The following NRG1 variants were observed in gnomAD, a reference collection of about 807,000 sequenced individuals.
NRG1 encodes the protein neuregulin 1, also known as pro-neuregulin-1, membrane-bound isoform.
A neutral mutation model predicts 63.8 loss-of-function variants in NRG1; 18 were observed. The ratio of observed to expected loss-of-function variants is 0.28; its 90% CI spans 0.19 to 0.42. The LOEUF (loss-of-function observed/expected upper bound fraction) is 0.42. NRG1 is among the 10% of genes least tolerant of loss of function. The pLI is 1.00. For synonymous variants in NRG1, 302 were observed against 301.3 expected, an observed-to-expected ratio of 1.00 and a Z score of -0.02; for missense variants, 762 against 814.7, an observed-to-expected ratio of 0.94 and a Z score of 0.79.
intron 1 of NRG1, among the ~76,000 whole-genome samples, chr8:31,826,985 A>G (rs540505990): frequency 1.2e-4 from 18 of 152,296 alleles, no homozygotes; most frequent in Admixed American, 6.5e-4. Context: ...AAGATTGTTC[A>G]TTGGGCTTTG....
chr8:31,667,095 G>A (rs981753371), intron 1 of NRG1, among the ~76,000 whole-genome samples: 2 of 152,136 alleles, frequency 1.3e-5, no homozygotes, highest in African/African-American at 2.4e-5. Flanking sequence ...AGACAAAGAC[G>A]TTCGTCTCAA....
intron 1 of NRG1, among the ~76,000 whole-genome samples, chr8:32,418,789 C>G (rs1440434642): frequency 6.6e-6 from 1 of 152,048 alleles, no homozygotes; most frequent in African/African-American, 2.4e-5. Flanking sequence ...TAAGATTGTT[C>G]TTAAAACCAG....
intron 1 of NRG1, among the ~76,000 whole-genome samples, chr8:31,653,638 A>G (rs1416783177): frequency 6.6e-6 from 1 of 152,182 alleles, no homozygotes; most frequent in Non-Finnish European, 1.5e-5. Flanking sequence ...CTGTGTGCAG[A>G]GCTGATGATG....
At chr8:32,577,099 CGCTTAGGAT>C (rs1166825807) in intron 1 of NRG1, among the ~76,000 whole-genome samples, 1 of 151,896 alleles carries the variant, frequency 6.6e-6, no homozygotes, top group Non-Finnish European at 1.5e-5. Flanking sequence ...TGCATTAATT[CGCTTAGGAT>C]AATGGCCTCC....
At chr8:32,721,785 C>T in intron 5 of NRG1, 1 of 1,231,146 alleles carries the variant, frequency 8.1e-7, no homozygotes, top group Non-Finnish European at 1.0e-6. Context: ...CTAATGACTC[C>T]ACCTATCATT....
At chr8:32,138,491 A>G (rs973046128) in intron 1 of NRG1, among the ~76,000 whole-genome samples, 1 of 151,966 alleles carries the variant, frequency 6.6e-6, no homozygotes, top group African/African-American at 2.4e-5. Flanking sequence ...ACCAGGACAC[A>G]TTGGTATGCA....
intron 9 of NRG1, among the ~76,000 whole-genome samples, chr8:32,758,491 T>C (rs113294263): frequency 0.055 from 7,590 of 138,664 alleles, 667 homozygotes; most frequent in African/African-American, 0.19. Flanking sequence ...GCAGGAGAAT[T>C]GCTTGAACCG....
At chr8:32,288,104 A>G (rs1002464728) in intron 1 of NRG1, among the ~76,000 whole-genome samples, 1 of 152,210 alleles carries the variant, frequency 6.6e-6, no homozygotes. Context: ...GGTAGAGCTG[A>G]ATGGTTGATT....
At chr8:31,667,956 C>A (rs1380733326) in intron 1 of NRG1, among the ~76,000 whole-genome samples, 1 of 151,872 alleles carries the variant, frequency 6.6e-6, no homozygotes, top group Non-Finnish European at 1.5e-5. Context: ...GATATTGGCT[C>A]AGCAATAAAG....
intron 1 of NRG1, among the ~76,000 whole-genome samples, chr8:32,050,609 A>G (rs1283713457): frequency 6.6e-6 from 1 of 152,074 alleles, no homozygotes; most frequent in East Asian, 1.9e-4. Context: ...AACCATACAT[A>G]GTGTTCTCTC....
At chr8:32,014,368 A>G (rs1815187130) in intron 1 of NRG1, among the ~76,000 whole-genome samples, 2 of 152,120 alleles carry the variant, frequency 1.3e-5, no homozygotes, top group Admixed American at 1.3e-4. Flanking sequence ...TTATTGGTAT[A>G]TAGGAATGCT....
At chr8:32,257,348 G>T (rs1350061866) in intron 1 of NRG1, among the ~76,000 whole-genome samples, 1 of 152,116 alleles carries the variant, frequency 6.6e-6, no homozygotes, top group African/African-American at 2.4e-5. Flanking sequence ...AACTCCTGCA[G>T]CTAGCTTGGT....
chr8:32,014,954 G>A (rs146339689), intron 1 of NRG1, among the ~76,000 whole-genome samples: 1,729 of 152,130 alleles, frequency 0.011, 32 homozygotes, highest in South Asian at 0.086. Flanking sequence ...ACCAAAGATT[G>A]CCAGCAAATC....
chr8:32,648,641 A>T (rs925309054), intron 5 of NRG1, among the ~76,000 whole-genome samples: 1 of 152,238 alleles, frequency 6.6e-6, no homozygotes, highest in African/African-American at 2.4e-5. Context: ...GAAAAACTTC[A>T]GCATCTGCAA....
At chr8:31,794,834 A>G (rs190308697) in intron 1 of NRG1, among the ~76,000 whole-genome samples, 67 of 151,964 alleles carry the variant, frequency 4.4e-4, no homozygotes, top group African/African-American at 1.5e-3. Context: ...ATGGAGTCCC[A>G]CTCTATCACC....
chr8:31,647,070 T>C (rs896165392), intron 1 of NRG1, among the ~76,000 whole-genome samples: 5 of 152,200 alleles, frequency 3.3e-5, no homozygotes, highest in Admixed American at 2.6e-4. Context: ...CTTACCACTG[T>C]TTTCAGCAGA....
At chr8:32,741,732 C>T (rs969833921) in intron 6 of NRG1, among the ~76,000 whole-genome samples, 6 of 152,144 alleles carry the variant, frequency 3.9e-5, no homozygotes, top group African/African-American at 9.7e-5. Context: ...GACAGCTCTC[C>T]GGGCCATGCT....
In NRG1 at chr8:32,243,440, A is replaced by G. The variant is rs573711180; in HGVS notation, c.38-352388A>G. 2.0e-5 allele frequency among the ~76,000 whole-genome samples: 3 copies of G among 152,054 alleles called. No homozygotes were observed. The East Asian group carries it at 5.8e-4, about 29-fold the overall frequency. On this transcript the variant is annotated intron_variant, in intron 1 of 10. Coordinates refer to the NRG1 transcript ENST00000519301. The stretch of plus-strand genomic sequence containing the variant: ...GTAAGACTCTGTCTCAAAAGAAAAA[A>G]AAAAAAAAAGGGCATTAGTCATTGG...
chr8:32,139,048 C>T (rs1365127720), intron 1 of NRG1, among the ~76,000 whole-genome samples: 1 of 152,160 alleles, frequency 6.6e-6, no homozygotes, highest in East Asian at 1.9e-4. Flanking sequence ...ATAAAATAAT[C>T]CTTAATATTT....
Sources: allele counts gnomAD v4.1 joint callset (sites outside exome capture counted in the v4.1 genomes callset), GRCh38; gene constraint gnomAD v4.1.1; transcripts MANE v1.5; gene names NCBI Gene and HGNC (gene_info 2026-07-23, HGNC 2026-07-21).